MTRF1: variants seen among roughly 807,000 people sequenced by gnomAD.
MTRF1 encodes the protein peptide chain release factor 1, mitochondrial.
Under a neutral mutation model 62.9 loss-of-function variants are expected in MTRF1, and 51 were observed. The observed-to-expected ratio is 0.81, with a 90% CI of 0.65 to 1.02. MTRF1 has a LOEUF of 1.02. MTRF1 is among the 50% of genes least tolerant of loss of function. MTRF1 has a pLI of 0.00. For synonymous variants in MTRF1, 158 were observed against 181.9 expected (o/e 0.87, Z 1.06); for missense variants, 446 against 530.0 (o/e 0.84, Z 1.56).
the MTRF1 span, among the ~76,000 whole-genome samples, chr13:41,283,818 C>A: frequency 1.3e-5 from 2 of 151,796 alleles, no homozygotes; most frequent in Non-Finnish European, 2.9e-5. Flanking sequence ...ACCTCGTGAT[C>A]CACCCGCCTC....
chr13:41,238,258 T>C (rs1433440293), intron 6 of MTRF1, among the ~76,000 whole-genome samples: 3 of 152,200 alleles, frequency 2.0e-5, no homozygotes, highest in African/African-American at 7.2e-5. Context: ...TCAGAAAGCA[T>C]AGATGCACTC....
chr13:41,261,676 A>G (rs544199192), intron 1 of MTRF1: 274 of 328,806 alleles, frequency 8.3e-4, no homozygotes, highest in African/African-American at 5.8e-3. Context: ...TAGATATCCA[A>G]GGAAGTCAAG....
In MTRF1 at chr13:41,221,292, G is replaced by A. The variant is rs550229876; in HGVS notation, c.1224+1964C>T. Among the ~76,000 whole-genome samples, 47 of 151,958 alleles carry A rather than the reference G, an allele frequency of 3.1e-4. 1 individual carries two copies. The highest frequency in any genetic ancestry group is 1.8e-3 in the Admixed American group (27 of 15,262). Reference sequence around the variant, plus strand: ...CTGCCTCAACCTCCCCAGTAGCTGGGACTACAGGTGCCCACCACCATGCCC... The same window carrying A: ...CTGCCTCAACCTCCCCAGTAGCTGGAACTACAGGTGCCCACCACCATGCCC... On this transcript the variant is annotated intron_variant, in intron 9 of 9. Coordinates refer to ENST00000379480, the MANE Select transcript of MTRF1 (RefSeq NM_004294.4).
chr13:41,241,369 A>T, intron 5 of MTRF1, among the ~76,000 whole-genome samples: 1 of 151,986 alleles, frequency 6.6e-6, no homozygotes, highest in Non-Finnish European at 1.5e-5. Context: ...ATGTTTTTTT[A>T]AAAATCTTTT....
chr13:41,234,867 A>G (rs2036206292), intron 6 of MTRF1, among the ~76,000 whole-genome samples: 1 of 152,154 alleles, frequency 6.6e-6, no homozygotes, highest in African/African-American at 2.4e-5. Context: ...TGTAGGGGGC[A>G]GAGCAGAGCA....
intron 6 of MTRF1, chr13:41,235,053 A>AC (rs2036241624): frequency 6.6e-6 from 1 of 151,338 alleles, no homozygotes; most frequent in African/African-American, 2.4e-5. Context: ...AATCTATGTG[A>AC]GCTCAGTGTG....
At chr13:41,259,109 G>A (rs535306270) in intron 2 of MTRF1, among the ~76,000 whole-genome samples, 1 of 152,102 alleles carries the variant, frequency 6.6e-6, no homozygotes, top group Non-Finnish European at 1.5e-5. Flanking sequence ...TTGAAAGGGC[G>A]GATAATAAGT....
chr13:41,302,119 T>C, the MTRF1 span, among the ~76,000 whole-genome samples: 3 of 152,044 alleles, frequency 2.0e-5, no homozygotes, highest in Non-Finnish European at 2.9e-5. Flanking sequence ...CTCCCTCTCC[T>C]GGGTTCAAGC....
chr13:41,298,829 G>A, the MTRF1 span, among the ~76,000 whole-genome samples: 4 of 152,150 alleles, frequency 2.6e-5, no homozygotes, highest in East Asian at 1.9e-4. Flanking sequence ...CCAGAACAGC[G>A]GAAGAAGGAG....
At chr13:41,307,963 G>T in the MTRF1 span, among the ~76,000 whole-genome samples, 1 of 152,156 alleles carries the variant, frequency 6.6e-6, no homozygotes, top group African/African-American at 2.4e-5. Context: ...CTGCTTTCTA[G>T]TATTTGGGAT....
chr13:41,239,363 G>A (rs77659281), intron 6 of MTRF1, among the ~76,000 whole-genome samples: 10,971 of 152,050 alleles, frequency 0.072, 475 homozygotes, highest in Middle Eastern at 0.12. Context: ...TGCTTACATC[G>A]GAGAATGCCC....
In MTRF1 at chr13:41,260,413, G is replaced by A. The variant is rs1043151664; in HGVS notation, c.415+80C>T. 15 of 1,244,546 alleles carry A rather than the reference G, an allele frequency of 1.2e-5. No individual in the cohort carries two copies. In the African/African-American group the frequency reaches 2.3e-4, roughly 19 times the overall value. 77.1% of individuals were successfully genotyped at this position (1,244,546 alleles called of 1,614,324 possible). ...AGCTTTAACTTAGAAAATCAAATCT[G>A]TACTTACACACACGCATATAAGTGT... On this transcript the variant is annotated intron_variant, in intron 2 of 9. Transcript: ENST00000379480.
At chr13:41,311,433 T>A in the MTRF1 span, 13 of 1,212,986 alleles carry the variant, frequency 1.1e-5, no homozygotes, top group African/African-American at 1.7e-4. Flanking sequence ...GCAGCCCGAC[T>A]CTCAGCAGCG....
upstream of MTRF1, among the ~76,000 whole-genome samples, chr13:41,267,148 C>A (rs181880300): frequency 6.6e-6 from 1 of 151,548 alleles, no homozygotes; most frequent in African/African-American, 2.4e-5. Flanking sequence ...TTAGATTCTC[C>A]TTTTCTTCTT....
At chr13:41,220,737 T>C in intron 9 of MTRF1, 1 of 518,762 alleles carries the variant, frequency 1.9e-6, no homozygotes, top group Non-Finnish European at 3.4e-6. Flanking sequence ...TTTCATTCTC[T>C]TCTCACTGAA....
chr13:41,253,238 A>G (rs2039306296), intron 3 of MTRF1, among the ~76,000 whole-genome samples: 1 of 152,244 alleles, frequency 6.6e-6, no homozygotes, highest in Admixed American at 6.5e-5. Context: ...GTTACTTGTC[A>G]GTATATTTTC....
chr13:41,297,389 AG>A, the MTRF1 span, among the ~76,000 whole-genome samples: 1 of 152,128 alleles, frequency 6.6e-6, no homozygotes, highest in African/African-American at 2.4e-5. Flanking sequence ...TTTTTATCTA[AG>A]CCCCCTGAAG....
chr13:41,238,398 G>A (rs2037013224), intron 6 of MTRF1, among the ~76,000 whole-genome samples: 1 of 152,182 alleles, frequency 6.6e-6, no homozygotes, highest in Non-Finnish European at 1.5e-5. Context: ...GAATCCATGA[G>A]TCTATAATGA....
At chr13:41,241,985 T>C (rs1436648835) in intron 5 of MTRF1, among the ~76,000 whole-genome samples, 1 of 152,248 alleles carries the variant, frequency 6.6e-6, no homozygotes, top group Non-Finnish European at 1.5e-5. Flanking sequence ...TATCATTCCT[T>C]TCTCACTTAT....
Sources: gnomAD v4.1 joint callset for allele counts (sites outside exome capture counted in the v4.1 genomes callset) on GRCh38, gnomAD v4.1.1 for gene constraint, MANE v1.5 for transcripts, NCBI Gene and HGNC (gene_info 2026-07-23, HGNC 2026-07-21) for gene names.